The following MDGA2 variants were observed in gnomAD, a reference collection of about 807,000 sequenced individuals.
MDGA2 encodes MAM domain containing glycosylphosphatidylinositol anchor 2.
A neutral mutation model predicts 117.8 loss-of-function variants in MDGA2; 40 were observed. That is an observed-to-expected ratio of 0.34 (90% CI 0.26 to 0.44). The LOEUF is 0.44. Ranked by LOEUF, MDGA2 falls within the 20% of genes least tolerant of loss-of-function variation. MDGA2 has a pLI of 1.00. For missense variants in MDGA2, 1,123 were observed against 1,250.6 expected, an observed-to-expected ratio of 0.90 and a Z score of 1.54; for synonymous variants, 452 against 439.0, an observed-to-expected ratio of 1.03 and a Z score of -0.37.
At chr14:47,058,619 G>A (rs1379311043) in intron 7 of MDGA2, 14 of 984,606 alleles carry the variant, frequency 1.4e-5, no homozygotes, top group Non-Finnish European at 1.7e-5. Context: ...CAATAGTATT[G>A]GGATAAATAT....
At chr14:47,499,802 G>C (rs1212033311) in intron 1 of MDGA2, among the ~76,000 whole-genome samples, 1 of 152,112 alleles carries the variant, frequency 6.6e-6, no homozygotes, top group Non-Finnish European at 1.5e-5. Context: ...TTCCATGCTT[G>C]AGAATTTATA....
At chr14:47,191,074 A>T (rs1555362004) in intron 3 of MDGA2, among the ~76,000 whole-genome samples, 2 of 152,026 alleles carry the variant, frequency 1.3e-5, no homozygotes, top group Non-Finnish European at 1.5e-5. Flanking sequence ...TGAATGTTAA[A>T]TTTTTTTAAG....
chr14:46,863,848 C>A (rs1881611588), intron 14 of MDGA2, among the ~76,000 whole-genome samples: 1 of 152,070 alleles, frequency 6.6e-6, no homozygotes, highest in African/African-American at 2.4e-5. Context: ...TTAAAGATTA[C>A]ATATAGTTTT....
chr14:47,380,743 C>T (rs149984418), intron 1 of MDGA2, among the ~76,000 whole-genome samples: 16,523 of 151,780 alleles, frequency 0.11, 1,138 homozygotes, highest in Non-Finnish European at 0.17. Flanking sequence ...AAAAAATGTC[C>T]AGGACCAGAT....
chr14:47,283,575 T>C (rs1888572661), intron 2 of MDGA2, among the ~76,000 whole-genome samples: 1 of 152,162 alleles, frequency 6.6e-6, no homozygotes, highest in African/African-American at 2.4e-5. Context: ...CCAGGTAAAC[T>C]GTAAATAAAA....
intron 1 of MDGA2, among the ~76,000 whole-genome samples, chr14:47,558,034 A>G (rs1387776092): frequency 6.6e-6 from 1 of 152,210 alleles, no homozygotes; most frequent in Non-Finnish European, 1.5e-5. Context: ...ATGAGTCATC[A>G]TGACTTTAAA....
chr14:46,888,411 CA>C (rs1882749823), intron 10 of MDGA2, among the ~76,000 whole-genome samples: 1 of 151,826 alleles, frequency 6.6e-6, no homozygotes. Flanking sequence ...TTCTTCATGT[CA>C]ATTTTAAAAA....
At chr14:47,318,809 A>AGAAGGAAGGAAGGAAGGAAGGAAG (rs889892249) in intron 1 of MDGA2, among the ~76,000 whole-genome samples, 1 of 91,692 alleles carries the variant, frequency 1.1e-5, no homozygotes, top group Non-Finnish European at 2.5e-5. Context: ...AAGGGAGGAA[A>AGAAGGAAGGAAGGAAGGAAGGAAG]GAAGGAAGGA....
At chr14:47,084,491 C>G (rs1484501818) in intron 6 of MDGA2, among the ~76,000 whole-genome samples, 1 of 113,206 alleles carries the variant, frequency 8.8e-6, no homozygotes, top group African/African-American at 3.7e-5. Context: ...TAAAAAACAG[C>G]AAAAATTAAA....
chr14:47,457,708 C>T (rs1893385246), intron 1 of MDGA2, among the ~76,000 whole-genome samples: 1 of 151,244 alleles, frequency 6.6e-6, no homozygotes. Flanking sequence ...AGTTTATTTC[C>T]TTTTTTAAAA....
intron 8 of MDGA2, among the ~76,000 whole-genome samples, chr14:46,993,360 A>G (rs1310213255): frequency 2.6e-5 from 4 of 152,288 alleles, no homozygotes; most frequent in Admixed American, 2.0e-4. Flanking sequence ...AATTGTTCAT[A>G]ATTAATAACT....
intron 8 of MDGA2, among the ~76,000 whole-genome samples, chr14:47,028,783 G>C (rs8007656): frequency 0.14 from 20,695 of 152,098 alleles, 1,598 homozygotes; most frequent in African/African-American, 0.2. Context: ...CAGAAAATAA[G>C]AAACAGAGCT....
intron 1 of MDGA2, among the ~76,000 whole-genome samples, chr14:47,390,471 C>T (rs1891869310): frequency 6.6e-6 from 1 of 152,090 alleles, no homozygotes; most frequent in Non-Finnish European, 1.5e-5. Context: ...TTGGATAAAG[C>T]CAACTAGCTA....
At chr14:46,846,461 A>G (rs1169274593) in intron 15 of MDGA2, among the ~76,000 whole-genome samples, 1 of 152,020 alleles carries the variant, frequency 6.6e-6, no homozygotes, top group African/African-American at 2.4e-5. Flanking sequence ...AAACTTGAAG[A>G]TATGTATCAG....
At chr14:47,615,041 G>A (rs905130816) in intron 1 of MDGA2, among the ~76,000 whole-genome samples, 7 of 150,936 alleles carry the variant, frequency 4.6e-5, no homozygotes, top group African/African-American at 1.5e-4. Flanking sequence ...TTTTTTTCTC[G>A]GGTAGAATTC....
intron 8 of MDGA2, among the ~76,000 whole-genome samples, chr14:47,014,103 A>G (rs935047056): frequency 6.6e-6 from 1 of 151,816 alleles, no homozygotes; most frequent in African/African-American, 2.4e-5. Context: ...CCCTCCTTGT[A>G]TATCTTTATC....
At chr14:47,583,507 A>G (rs967458690) in intron 1 of MDGA2, among the ~76,000 whole-genome samples, 1 of 151,930 alleles carries the variant, frequency 6.6e-6, no homozygotes, top group Non-Finnish European at 1.5e-5. Flanking sequence ...ATATATTTCA[A>G]ATACGTATGT....
intron 2 of MDGA2, among the ~76,000 whole-genome samples, chr14:47,293,345 T>C (rs557145643): frequency 3.9e-5 from 6 of 152,360 alleles, no homozygotes; most frequent in African/African-American, 1.4e-4. Context: ...CAGGTATTCT[T>C]ACTCATAATT....
chr14:47,531,185 C>A (rs1256495488), intron 1 of MDGA2, among the ~76,000 whole-genome samples: 1 of 152,136 alleles, frequency 6.6e-6, no homozygotes, highest in Non-Finnish European at 1.5e-5. Flanking sequence ...GCAGAGCTTG[C>A]AGTGAGCCAA....
Sources: allele counts gnomAD v4.1 joint callset (sites outside exome capture counted in the v4.1 genomes callset), GRCh38; gene constraint gnomAD v4.1.1; transcripts MANE v1.5; gene names NCBI Gene and HGNC (gene_info 2026-07-23, HGNC 2026-07-21).